GNAQ: variants seen among roughly 807,000 people sequenced by gnomAD.
GNAQ encodes the protein G protein subunit alpha q.
In GNAQ, 8 loss-of-function variants were observed where a neutral mutation model predicts 43.9. The ratio of observed to expected loss-of-function variants is 0.18; its 90% confidence interval spans 0.11 to 0.33. The LOEUF is 0.33. Among genes scored for constraint, GNAQ ranks in the 10% least tolerant of loss-of-function variants. The probability of loss-of-function intolerance (pLI) is 1.00; values close to 1 mark genes in which losing one functional copy is unlikely to be tolerated. For synonymous variants in GNAQ, 155 were observed against 170.7 expected, an observed-to-expected ratio of 0.91 and a Z score of 0.71; for missense variants, 158 against 450.8, an observed-to-expected ratio of 0.35 and a Z score of 5.88.
At chr9:77,919,411 CA>C (rs1828962764) in intron 2 of GNAQ, among the ~76,000 whole-genome samples, 1 of 152,208 alleles carries the variant, frequency 6.6e-6, no homozygotes, top group East Asian at 1.9e-4. Flanking sequence ...TAGGCAATTA[CA>C]AACACTTCGC....
chr9:77,788,932 G>C (rs181583746), intron 5 of GNAQ, among the ~76,000 whole-genome samples: 2 of 152,266 alleles, frequency 1.3e-5, no homozygotes, highest in East Asian at 3.9e-4. Flanking sequence ...TCCTTCTCAA[G>C]CTGCAGGAGA....
At chr9:77,799,591 A>G (rs1409238361) in intron 3 of GNAQ, among the ~76,000 whole-genome samples, 1 of 152,210 alleles carries the variant, frequency 6.6e-6, no homozygotes, top group East Asian at 1.9e-4. Flanking sequence ...TAAATTTGAA[A>G]CTGAATGTAA....
At chr9:77,941,832 G>A (rs1451206301) in intron 1 of GNAQ, among the ~76,000 whole-genome samples, 5 of 150,536 alleles carry the variant, frequency 3.3e-5, no homozygotes, top group Non-Finnish European at 5.9e-5. Context: ...ATTGCCAAAT[G>A]GAAAGAGTGG....
chr9:77,752,664 G>C (rs1376914186), intron 5 of GNAQ, among the ~76,000 whole-genome samples: 4 of 152,198 alleles, frequency 2.6e-5, no homozygotes, highest in African/African-American at 9.7e-5. Flanking sequence ...AGATGGAAAT[G>C]CCTGTGTCTG....
chr9:77,890,144 T>G (rs1325859027), intron 2 of GNAQ, among the ~76,000 whole-genome samples: 1 of 152,236 alleles, frequency 6.6e-6, no homozygotes, highest in South Asian at 2.1e-4. Flanking sequence ...TTAGTTATAA[T>G]GTATCTTAAT....
chr9:78,004,287 A>G (rs1199360446), intron 1 of GNAQ, among the ~76,000 whole-genome samples: 1 of 151,906 alleles, frequency 6.6e-6, no homozygotes, highest in African/African-American at 2.4e-5. Context: ...AAAAAAAAAA[A>G]AAAAAAATTA....
chr9:77,877,985 ACAC>A (rs1828151485), intron 2 of GNAQ, among the ~76,000 whole-genome samples: 1 of 152,138 alleles, frequency 6.6e-6, no homozygotes, highest in African/African-American at 2.4e-5. Flanking sequence ...TTTGAACTGT[ACAC>A]CACAATTTTA....
At chr9:78,024,572 A>G (rs547243183) in intron 1 of GNAQ, among the ~76,000 whole-genome samples, 1 of 152,298 alleles carries the variant, frequency 6.6e-6, no homozygotes, top group South Asian at 2.1e-4. Context: ...AGCTCCTACA[A>G]TGGCCTTCAG....
intron 2 of GNAQ, among the ~76,000 whole-genome samples, chr9:77,906,701 A>G (rs1392405781): frequency 6.6e-6 from 1 of 152,238 alleles, no homozygotes; most frequent in Non-Finnish European, 1.5e-5. Flanking sequence ...CTGCAAAGCT[A>G]TTTACAATCT....
intron 5 of GNAQ, among the ~76,000 whole-genome samples, chr9:77,729,200 T>C (rs970405104): frequency 6.6e-6 from 1 of 152,172 alleles, no homozygotes; most frequent in Admixed American, 6.5e-5. Flanking sequence ...ACACACACCC[T>C]TTATAAACAC....
chr9:77,968,300 C>A (rs900840278), intron 1 of GNAQ, among the ~76,000 whole-genome samples: 22 of 151,934 alleles, frequency 1.4e-4, no homozygotes, highest in African/African-American at 4.4e-4. Flanking sequence ...TATTTCAGGA[C>A]CACTTCAGAT....
At chr9:78,004,293 AATT>A (rs1823679536) in intron 1 of GNAQ, among the ~76,000 whole-genome samples, 1 of 151,800 alleles carries the variant, frequency 6.6e-6, no homozygotes, top group South Asian at 2.1e-4. Context: ...AAAAAAAAAA[AATT>A]AATTAAGTTA....
chr9:77,725,877 C>T (rs17786561), intron 6 of GNAQ, among the ~76,000 whole-genome samples: 4,583 of 152,304 alleles, frequency 0.03, 106 homozygotes, highest in Admixed American at 0.052. Context: ...GCACCATGCT[C>T]TATCTGTTCT....
chr9:77,761,702 G>A (rs1275028976), intron 5 of GNAQ, among the ~76,000 whole-genome samples: 1 of 63,956 alleles, frequency 1.6e-5, no homozygotes, highest in African/African-American at 7.3e-5. Flanking sequence ...CCGGCCAGCC[G>A]ACCCGTCTGG....
rs1825268460 is a variant in GNAQ, at chr9:77,718,999, T to C, written c.*2324A>G. On this transcript the variant is annotated 3_prime_UTR_variant, in exon 7 of 7. Transcript: ENST00000286548. ...ATGTTTGTATAAAAGCTCCGACTGATTTTATGTATTTTGCTATGAAATTAC... is the reference window on the plus strand; with the variant it reads ...ATGTTTGTATAAAAGCTCCGACTGACTTTATGTATTTTGCTATGAAATTAC... 4.3e-6 allele frequency: 1 copy of C among 232,246 alleles called. No homozygotes were observed. The highest frequency in any genetic ancestry group is 5.6e-5 in the Admixed American group (1 of 17,760). 14.4% of individuals were successfully genotyped at this position (232,246 alleles called of 1,614,324 possible).
At chr9:77,943,150 C>T (rs550067806) in intron 1 of GNAQ, among the ~76,000 whole-genome samples, 179 of 152,324 alleles carry the variant, frequency 1.2e-3, no homozygotes, top group Non-Finnish European at 2.1e-3. Context: ...GAACCCATTT[C>T]TGACCTCAAA....
intron 2 of GNAQ, among the ~76,000 whole-genome samples, chr9:77,833,677 T>C (rs771240778): frequency 1.3e-5 from 2 of 152,250 alleles, no homozygotes; most frequent in Non-Finnish European, 2.9e-5. Flanking sequence ...TTGCATATGA[T>C]ATAAGAGTGG....
chr9:77,917,862 G>A (rs1364884956), intron 2 of GNAQ, among the ~76,000 whole-genome samples: 1 of 152,124 alleles, frequency 6.6e-6, no homozygotes, highest in Non-Finnish European at 1.5e-5. Context: ...AAAAGTACAA[G>A]AACAGGACAA....
At chr9:77,735,295 T>C (rs1825560684) in intron 5 of GNAQ, among the ~76,000 whole-genome samples, 1 of 152,360 alleles carries the variant, frequency 6.6e-6, no homozygotes, top group South Asian at 2.1e-4. Context: ...AAGGTCATTA[T>C]TACTTTTAAA....
Sources: allele counts gnomAD v4.1 joint callset (sites outside exome capture counted in the v4.1 genomes callset), GRCh38; gene constraint gnomAD v4.1.1; transcripts MANE v1.5; gene names NCBI Gene and HGNC (gene_info 2026-07-23, HGNC 2026-07-21).